KIF22: variants seen among roughly 807,000 people sequenced by gnomAD.
KIF22 encodes kinesin-like protein KIF22.
KIF22 carries 62 observed loss-of-function variants against 73.0 expected under a neutral mutation model. That is an observed-to-expected ratio of 0.85 (90% CI 0.69 to 1.05). The LOEUF (loss-of-function observed/expected upper bound fraction) is 1.05, where lower values mean the gene tolerates loss of function less well. Ranked by LOEUF, KIF22 falls within the 50% of genes least tolerant of loss-of-function variation. KIF22 has a pLI of 0.00. For missense variants in KIF22, 854 were observed against 870.1 expected (o/e 0.98, Z 0.23); for synonymous variants, 411 against 340.1 (o/e 1.21, Z -2.29).
rs748373911 is a variant in KIF22 at position 29,798,757 on chromosome 16, C to T, written c.549+10C>T. The T allele has an allele frequency of 2.4e-5, 38 of 1,612,340 alleles. No homozygotes were observed. The highest frequency in any genetic ancestry group is 8.4e-5 in the Admixed American group (5 of 59,764). On this transcript the variant is annotated intron_variant, in intron 4 of 13. Coordinates refer to ENST00000160827, the MANE Select transcript of KIF22 (RefSeq NM_007317.3). The surrounding 1 kb of genome is among the most constrained non-coding windows in gnomAD (Gnocchi z 4.1). ...GATCTACCAGGAGAAGGTGAGGCCC[C>T]GTGCTGGTTGGGAGAGGAGCAACAA... is the stretch of plus-strand genomic sequence containing the variant.
intron 11 of KIF22, 58 bp from the exon 12 acceptor site, chr16:29,804,756 A>G: frequency 7.3e-7 from 1 of 1,379,062 alleles, no homozygotes; most frequent in South Asian, 1.2e-5. Context: ...TAGTCTTGGC[A>G]GAGGAGCCCA....
chr16:29,793,146 G>A (rs931011629), intron 1 of KIF22, among the ~76,000 whole-genome samples: 12 of 152,174 alleles, frequency 7.9e-5, no homozygotes, highest in African/African-American at 2.7e-4. Context: ...GTTTAGGACA[G>A]GTGGAGTTTA....
chr16:29,804,192 T>C, intron 11 of KIF22, 127 bp downstream of exon 11: 1 of 747,426 alleles, frequency 1.3e-6, no homozygotes, highest in Non-Finnish European at 2.4e-6. Context: ...CTAACAGACC[T>C]CAACTTGCTT....
At chr16:29,800,832 G>C (rs140091184) in intron 8 of KIF22, among the ~76,000 whole-genome samples, 100 of 152,284 alleles carry the variant, frequency 6.6e-4, no homozygotes, top group African/African-American at 2.4e-3. Context: ...TAAAGTCTAA[G>C]ATTAATCTCT....
rs1324016577 is a variant in KIF22, at chr16:29,803,997, G to T, written c.1610-1G>T. 1 of 1,613,272 alleles carries T rather than the reference G, an allele frequency of 6.2e-7. No individual in the cohort carries two copies. Among genetic ancestry groups the T allele is most frequent in the Non-Finnish European group, 8.5e-7 (1 of 1,179,266 alleles). On this transcript the variant is annotated splice_acceptor_variant, in intron 10 of 13. Transcript: ENST00000160827. LOFTEE classifies it high-confidence loss of function. ...CTCCAATTCTCGATTCCTACTTTCA[G>T]TTCAGGAGCAGGCAGCATCCCCAAA...
rs779821702 is a variant in KIF22 at position 29,802,890 on chromosome 16, C to T, written c.1402C>T (p.Arg468Trp). ...TCTGTTGAGTACCCCAAAGCGAGAG[C>T]GGATGGTGCTAATGAAGACAGTGGA... ...APLLSTPKRERMVLMKTVEEK... is the reference protein window; with the variant it reads ...APLLSTPKREWMVLMKTVEEK... The change falls in exon 9 of 14, where the codon CGG becomes TGG. Residue 468 changes from arginine (R) to tryptophan (W), a missense_variant. By Grantham distance (101) the Arg-to-Trp change is moderately radical. This residue lies in a region of KIF22 where 423 missense variants were observed against 365.4 expected (regional missense o/e 1.16). Transcript: ENST00000160827. 1.4e-5 allele frequency: 22 copies of T among 1,611,904 alleles called. No homozygotes were observed. The highest frequency in any genetic ancestry group is 3.3e-5 in the South Asian group (3 of 90,604).
At chr16:29,791,394 C>A in intron 1 of KIF22, 1 of 300,420 alleles carries the variant, frequency 3.3e-6, no homozygotes, top group South Asian at 1.3e-4. Flanking sequence ...AATTTCCTTT[C>A]ACTCTAGCAT....
chr16:29,795,763 T>C (rs1898933438), intron 1 of KIF22, among the ~76,000 whole-genome samples: 1 of 152,196 alleles, frequency 6.6e-6, no homozygotes, highest in African/African-American at 2.4e-5. Flanking sequence ...AATAATTCAG[T>C]TGCCAATTCT....
Position 29,804,081 on chromosome 16 carries a change from G to GGCTT in KIF22, c.1677+17_1677+20dup. ...GAAGAGAAAGGTGAAAGTAGCTGGG[G>GGCTT]GCTTAGGCTACACCTGGAGCCCAGA... On this transcript the variant is annotated intron_variant, in intron 11 of 13. Coordinates refer to ENST00000160827, the MANE Select transcript of KIF22 (RefSeq NM_007317.3). 2 of 1,607,980 alleles carry GGCTT rather than the reference G, an allele frequency of 1.2e-6. No homozygotes were observed. Among genetic ancestry groups the GGCTT allele is most frequent in the Non-Finnish European group, 1.7e-6 (2 of 1,174,488 alleles).
chr16:29,797,752 C>T lies in KIF22; in HGVS notation c.267-622C>T, dbSNP rs148457537. ...AAGTTTGCTAGCTCCCATACTAGGC[C>T]GTTAACAATTTGGGCTTCAGTTTCT... On this transcript the variant is annotated intron_variant, in intron 2 of 13. Coordinates refer to ENST00000160827, the MANE Select transcript of KIF22 (RefSeq NM_007317.3). The surrounding 1 kb of genome is among the most constrained non-coding windows in gnomAD (Gnocchi z 4.1). Among the ~76,000 whole-genome samples the T allele has an allele frequency of 3.7e-4, 56 of 152,224 alleles. No homozygotes were observed. In the East Asian group the frequency reaches 4.8e-3, roughly 13 times the overall value.
At chr16:29,805,054 C>CGGGGGGGGGGGG in intron 12 of KIF22, 28 bp downstream of exon 12, 14 of 673,168 alleles carry the variant, frequency 2.1e-5, no homozygotes, top group Non-Finnish European at 3.4e-5. Context: ...TGGGGGAGGG[C>CGGGGGGGGGGGG]GGGGGCGGGG....
intron 11 of KIF22, 184 bp from the exon 12 acceptor site, chr16:29,804,630 T>C: frequency 1.4e-6 from 1 of 700,634 alleles, no homozygotes; most frequent in Non-Finnish European, 2.6e-6. Flanking sequence ...AGTACCTCTC[T>C]TTCACTAGTT....
In KIF22 at chr16:29,799,003, G is replaced by C; in HGVS notation, c.578G>C (p.Gly193Ala). The C allele has an allele frequency of 6.2e-7, 1 of 1,614,184 alleles. No homozygotes were observed. The highest frequency in any genetic ancestry group is 8.5e-7 in the Non-Finnish European group (1 of 1,180,036). Residue 193 changes from glycine (G) to alanine (A), a missense_variant, in exon 5 of 14, where the codon GGA becomes GCA. By Grantham distance (60) the Gly-to-Ala change is moderately conservative. Coordinates refer to ENST00000160827, the MANE Select transcript of KIF22 (RefSeq NM_007317.3). ...KVLDLLDPAS[G>A]DLVIREDCRG... is the part of the protein sequence containing the mutation. Reference sequence around the variant, plus strand: ...TTAGACCTCCTGGACCCTGCTTCGGGAGACCTGGTAATCCGAGAAGACTGC... The same window carrying C: ...TTAGACCTCCTGGACCCTGCTTCGGCAGACCTGGTAATCCGAGAAGACTGC...
At chr16:29,802,725 A>G in intron 8 of KIF22, 44 bp from the exon 9 acceptor site, 2 of 1,508,118 alleles carry the variant, frequency 1.3e-6, no homozygotes, top group Non-Finnish European at 1.8e-6. Context: ...GTAGGTGGTG[A>G]TGAGGGAGGA....
rs1169021974 is a variant in KIF22 at position 29,792,751 on chromosome 16, A to G, written c.70+1922A>G. ...GGGGAGCAATGCAGATATTCTAGGG[A>G]GAGAGATTAACGTGGACAAAAATCC... On this transcript the variant is annotated intron_variant, in intron 1 of 13. Coordinates refer to ENST00000160827, the MANE Select transcript of KIF22 (RefSeq NM_007317.3). Among the ~76,000 whole-genome samples, 3 of 152,268 alleles carry G rather than the reference A, an allele frequency of 2.0e-5. No homozygotes were observed. The East Asian group carries it at 5.8e-4, about 29-fold the overall frequency.
At position 29,804,473 on chromosome 16, in the gene KIF22, T is replaced by A. The variant is rs975540406; in HGVS notation, c.1678-341T>A. 51 of 645,940 alleles carry A rather than the reference T, an allele frequency of 7.9e-5. No individual in the cohort carries two copies. In the African/African-American group the frequency reaches 8.4e-4, roughly 11 times the overall value. The allele number at this position is 645,940 out of a possible 1,614,324, so 40.0% of individuals were successfully genotyped here. A position where few individuals can be genotyped will look rare whatever the true frequency, so the allele number is the denominator to read the frequency against. On this transcript the variant is annotated intron_variant, in intron 11 of 13. Coordinates refer to ENST00000160827, the MANE Select transcript of KIF22 (RefSeq NM_007317.3). ...TTTATTCATATTACTTTCTCCCATG[T>A]ACTTTTTGAAAGACAGCTTATTCTT...
At position 29,798,452 on chromosome 16, in the gene KIF22, G is replaced by C. The variant is rs575510093; in HGVS notation, c.345G>C (p.Leu115Phe). Residue 115 changes from leucine to phenylalanine, a missense_variant, in exon 3 of 14, where the codon TTG becomes TTC. Physicochemically the swap from Leu to Phe is conservative, Grantham distance 22 (BLOSUM62 0). Around this residue, in one of 3 missense-constraint regions of KIF22, gnomAD observed 245 missense variants for 351.8 expected, o/e 0.70. Coordinates refer to ENST00000160827, the MANE Select transcript of KIF22 (RefSeq NM_007317.3). The surrounding 1 kb of genome is among the most constrained non-coding windows in gnomAD (Gnocchi z 4.1). ...AGSVQPILRH[L>F]LEGQNASVLA... ...CAGTGCAGCCCATCCTAAGGCACTT[G>C]CTGGAAGGGCAGAATGCCAGTGTGC... The C allele has an allele frequency of 5.0e-6, 8 of 1,614,174 alleles. No homozygotes were observed. The South Asian group carries it at 8.8e-5, about 18-fold the overall frequency.
intron 1 of KIF22, 88 bp from the exon 2 acceptor site, chr16:29,796,805 G>A: frequency 8.0e-7 from 1 of 1,252,406 alleles, no homozygotes; most frequent in Non-Finnish European, 1.1e-6. Flanking sequence ...AACATGAGCT[G>A]TGGCCCCCAG....
chr16:29,791,433 A>G (rs1384149281), intron 1 of KIF22: 1 of 183,712 alleles, frequency 5.4e-6, no homozygotes, highest in African/African-American at 2.4e-5. Flanking sequence ...AGGGTTGGAA[A>G]GGCTGTTAGG....
Sources: gnomAD v4.1 joint callset for allele counts (sites outside exome capture counted in the v4.1 genomes callset) on GRCh38, gnomAD v4.1.1 for gene constraint, gnomAD v4.1.1 regional missense constraint, Gnocchi (gnomAD v3.1) non-coding constraint, MANE v1.5 for transcripts, NCBI Gene and HGNC (gene_info 2026-07-23, HGNC 2026-07-21) for gene names.